EIF4G3: variants seen among roughly 807,000 people sequenced by gnomAD.
EIF4G3 encodes the protein eIF-4-gamma 3.
A neutral mutation model predicts 186.4 loss-of-function variants in EIF4G3; 34 were observed. That is an observed-to-expected ratio of 0.18 (90% CI 0.14 to 0.24). EIF4G3 has a LOEUF of 0.24. Among genes scored for constraint, EIF4G3 ranks in the 10% least tolerant of loss-of-function variants. The pLI, the probability that EIF4G3 is intolerant of heterozygous loss-of-function variation, is 1.00. For missense variants in EIF4G3, 1,536 were observed against 1,948.5 expected (o/e 0.79, Z 3.99); for synonymous variants, 673 against 679.5 (o/e 0.99, Z 0.15).
At chr1:21,029,213 T>C (rs1430356085) in intron 4 of EIF4G3, among the ~76,000 whole-genome samples, 1 of 151,504 alleles carries the variant, frequency 6.6e-6, no homozygotes, top group Non-Finnish European at 1.5e-5. Flanking sequence ...AGAGACAAGG[T>C]TTCACCACTT....
intron 19 of EIF4G3, 149 bp downstream of exon 19, chr1:20,886,052 C>CAT: frequency 1.0e-6 from 1 of 963,352 alleles, no homozygotes; most frequent in Non-Finnish European, 1.5e-6. Context: ...GCCTGGCATC[C>CAT]ATAATGGCTT....
chr1:20,832,019 T>G, intron 30 of EIF4G3, among the ~76,000 whole-genome samples: 1 of 134,176 alleles, frequency 7.5e-6, no homozygotes, highest in African/African-American at 2.7e-5. Context: ...TGTTGGACAT[T>G]TGGGTTGGTT....
intron 2 of EIF4G3, among the ~76,000 whole-genome samples, chr1:21,172,381 A>G (rs1213701693): frequency 1.3e-5 from 2 of 151,992 alleles, no homozygotes; most frequent in Non-Finnish European, 2.9e-5. Context: ...ACCCACCTCT[A>G]ACCAAAAGGA....
At chr1:21,082,226 G>A (rs942644010) in intron 3 of EIF4G3, among the ~76,000 whole-genome samples, 10 of 150,076 alleles carry the variant, frequency 6.7e-5, no homozygotes, top group Non-Finnish European at 1.5e-4. Context: ...GACTGGCCAG[G>A]AGCCTTTCAA....
At chr1:21,126,065 G>A (rs1242727911) in intron 2 of EIF4G3, among the ~76,000 whole-genome samples, 2 of 151,692 alleles carry the variant, frequency 1.3e-5, no homozygotes, top group East Asian at 3.9e-4. Context: ...TTAGGCAGGC[G>A]TGGTGGTGGC....
Position 20,980,385 on chromosome 1 carries a change from G to A in EIF4G3, c.442C>T (p.Pro148Ser). Residue 148 changes from proline to serine, a missense_variant, in exon 10 of 37, where the codon CCA becomes TCA. By Grantham distance (74) the Pro-to-Ser change is moderately conservative (BLOSUM62 -1). This residue lies in a region of EIF4G3 where 194 missense variants were observed against 212.8 expected (regional missense o/e 0.91). Transcript: ENST00000602326. ...PQQYPVQPPG[P>S]GPFYPGPGPG... ...CCTGGTCCAGGATAAAAAGGACCTGGCCCCGGTGGTTGAACTGGATATTGT... is the reference window on the plus strand; with the variant it reads ...CCTGGTCCAGGATAAAAAGGACCTGACCCCGGTGGTTGAACTGGATATTGT... 1 of 1,548,654 alleles carries A rather than the reference G, an allele frequency of 6.5e-7. No homozygotes were observed. Among genetic ancestry groups the A allele is most frequent in the Non-Finnish European group, 8.6e-7 (1 of 1,158,776 alleles).
intron 2 of EIF4G3, among the ~76,000 whole-genome samples, chr1:21,128,984 A>G (rs2102466812): frequency 6.6e-6 from 1 of 152,318 alleles, no homozygotes; most frequent in South Asian, 2.1e-4. Flanking sequence ...TGAATTCCAA[A>G]GGACAGACCA....
chr1:20,968,650 A>T (rs950254089), intron 12 of EIF4G3, among the ~76,000 whole-genome samples: 1 of 152,240 alleles, frequency 6.6e-6, no homozygotes, highest in African/African-American at 2.4e-5. Flanking sequence ...CTGACAATTT[A>T]TTAATAAGTT....
intron 10 of EIF4G3, among the ~76,000 whole-genome samples, chr1:20,976,250 T>C (rs1228368924): frequency 1.3e-5 from 2 of 152,144 alleles, no homozygotes; most frequent in African/African-American, 4.8e-5. Context: ...TATGTATACA[T>C]GTGCCATGTT....
At chr1:20,863,325 G>A (rs1406999738) in intron 22 of EIF4G3, among the ~76,000 whole-genome samples, 1 of 143,504 alleles carries the variant, frequency 7.0e-6, no homozygotes, top group East Asian at 2.1e-4. Flanking sequence ...TTGAAGCCAG[G>A]AGTTTAAGAC....
At chr1:20,855,156 T>C in intron 25 of EIF4G3, 85 bp from the exon 26 acceptor site, 1 of 1,053,532 alleles carries the variant, frequency 9.5e-7, no homozygotes, top group Admixed American at 2.6e-5. Context: ...TTCAGTGAAG[T>C]AGAACCAATT....
At chr1:21,047,049 T>C (rs888400937) in intron 4 of EIF4G3, among the ~76,000 whole-genome samples, 1 of 152,184 alleles carries the variant, frequency 6.6e-6, no homozygotes, top group Non-Finnish European at 1.5e-5. Flanking sequence ...TTTCCCCCTA[T>C]ATGACAGATG....
At chr1:21,173,137 CAAAAAAAAA>C (rs1193601902) in intron 2 of EIF4G3, among the ~76,000 whole-genome samples, 12 of 29,192 alleles carry the variant, frequency 4.1e-4, no homozygotes, top group Non-Finnish European at 5.0e-4. Context: ...GACTCAATCT[CAAAAAAAAA>C]AAAAAAAAAA....
intron 3 of EIF4G3, among the ~76,000 whole-genome samples, chr1:21,074,734 G>A (rs1193735625): frequency 6.6e-6 from 1 of 152,140 alleles, no homozygotes; most frequent in African/African-American, 2.4e-5. Flanking sequence ...TAACTGCTGT[G>A]TAATAACTTG....
At chr1:21,123,475 A>G (rs1391689984) in intron 2 of EIF4G3, among the ~76,000 whole-genome samples, 1 of 151,430 alleles carries the variant, frequency 6.6e-6, no homozygotes, top group Non-Finnish European at 1.5e-5. Flanking sequence ...GAGGCACGAG[A>G]TATCGCTTGA....
At chr1:21,008,939 C>T (rs1422912280) in intron 4 of EIF4G3, among the ~76,000 whole-genome samples, 4 of 152,048 alleles carry the variant, frequency 2.6e-5, no homozygotes, top group Non-Finnish European at 5.9e-5. Flanking sequence ...AAAAGAAATT[C>T]CAGATTGATT....
At chr1:21,150,834 G>A (rs113138182) in intron 2 of EIF4G3, among the ~76,000 whole-genome samples, 1 of 152,058 alleles carries the variant, frequency 6.6e-6, no homozygotes, top group African/African-American at 2.4e-5. Flanking sequence ...AAATTAGCTG[G>A]GCATGGTGGC....
intron 19 of EIF4G3, among the ~76,000 whole-genome samples, chr1:20,882,630 C>A (rs201184622): frequency 6.8e-5 from 10 of 146,964 alleles, no homozygotes; most frequent in South Asian, 6.4e-4. Flanking sequence ...CAAAAAAAAA[C>A]AAAAAAAAAC....
chr1:21,110,524 A>G (rs1295469213), intron 2 of EIF4G3, among the ~76,000 whole-genome samples: 2 of 152,100 alleles, frequency 1.3e-5, no homozygotes, highest in African/African-American at 4.8e-5. Flanking sequence ...TGAACTCCTG[A>G]GCTCAGGCAA....
Sources: gnomAD v4.1 joint callset for allele counts (sites outside exome capture counted in the v4.1 genomes callset) on GRCh38, gnomAD v4.1.1 for gene constraint, gnomAD v4.1.1 regional missense constraint, MANE v1.5 for transcripts, NCBI Gene and HGNC (gene_info 2026-07-23, HGNC 2026-07-21) for gene names.